Variants in EPHB1 observed in about 807,000 individuals in gnomAD.
EPHB1 encodes ephrin type-B receptor 1.
EPHB1 carries 30 observed loss-of-function variants against 94.4 expected under a neutral mutation model. The ratio of observed to expected loss-of-function variants is 0.32; its 90% CI spans 0.24 to 0.43. The LOEUF is 0.43. Among genes scored for constraint, EPHB1 ranks in the 20% least tolerant of loss-of-function variants. The pLI is 1.00. For synonymous variants in EPHB1, 522 were observed against 489.1 expected (o/e 1.07, Z -0.89); for missense variants, 1,055 against 1,308.3 (o/e 0.81, Z 2.99).
chr3:134,957,267 C>A (rs755247080), intron 3 of EPHB1, among the ~76,000 whole-genome samples: 1 of 152,132 alleles, frequency 6.6e-6, no homozygotes, highest in Admixed American at 6.5e-5. Flanking sequence ...TTTAAAAAAT[C>A]CAAGAACCCC....
chr3:134,871,674 A>T (rs2037502784), intron 1 of EPHB1, among the ~76,000 whole-genome samples: 1 of 152,146 alleles, frequency 6.6e-6, no homozygotes, highest in Non-Finnish European at 1.5e-5. Context: ...CCATCTAGAC[A>T]CTGATGACTA....
rs143866025 is a variant in EPHB1 at position 134,891,152 on chromosome 3, C to T, written c.59-34664C>T. Among the ~76,000 whole-genome samples the T allele has an allele frequency of 6.1e-3, 930 of 152,284 alleles. 11 individuals carry two copies. Among genetic ancestry groups the T allele is most frequent in the African/African-American group, 0.021 (876 of 41,548 alleles). ...ACAGGGTCTTACTGCGTCACCCAGG[C>T]GGGAGTGCAATGACATGATCTTGGC... is the stretch of plus-strand genomic sequence containing the variant. On this transcript the variant is annotated intron_variant, in intron 1 of 15. Coordinates refer to ENST00000398015, the MANE Select transcript of EPHB1 (RefSeq NM_004441.5).
At chr3:135,205,125 T>A (rs540397743) in intron 12 of EPHB1, among the ~76,000 whole-genome samples, 27 of 152,292 alleles carry the variant, frequency 1.8e-4, no homozygotes, top group African/African-American at 6.0e-4. Flanking sequence ...TGACAGGATC[T>A]CATTATTTTT....
chr3:134,921,490 C>T (rs2038685699), intron 1 of EPHB1, among the ~76,000 whole-genome samples: 1 of 152,196 alleles, frequency 6.6e-6, no homozygotes, highest in African/African-American at 2.4e-5. Flanking sequence ...CCAGTTATGA[C>T]TTTGCTTCTT....
chr3:134,870,475 A>T (rs1476025894), intron 1 of EPHB1, among the ~76,000 whole-genome samples: 6 of 152,222 alleles, frequency 3.9e-5, no homozygotes, highest in African/African-American at 1.4e-4. Context: ...TCAACTGGGG[A>T]ATATTCAGAA....
chr3:134,831,705 C>T (rs997596508), intron 1 of EPHB1, among the ~76,000 whole-genome samples: 1 of 152,232 alleles, frequency 6.6e-6, no homozygotes, highest in Non-Finnish European at 1.5e-5. Context: ...TGCCTTCAGG[C>T]CACTGTGGCT....
chr3:135,124,840 C>T (rs1171442887), intron 4 of EPHB1, among the ~76,000 whole-genome samples: 1 of 151,546 alleles, frequency 6.6e-6, no homozygotes, highest in African/African-American at 2.4e-5. Flanking sequence ...CTCCTTGCCC[C>T]AGTGAGATAT....
intron 12 of EPHB1, among the ~76,000 whole-genome samples, chr3:135,238,118 C>G (rs757837649): frequency 6.6e-6 from 1 of 152,158 alleles, no homozygotes; most frequent in African/African-American, 2.4e-5. Flanking sequence ...TACCTCTGAG[C>G]ACCAGAAGGC....
In EPHB1 at chr3:135,241,647, C is replaced by T. The variant is rs1216626406; in HGVS notation, c.2496+350C>T. Among the ~76,000 whole-genome samples, 6 of 152,310 alleles carry T rather than the reference C, an allele frequency of 3.9e-5. No homozygotes were observed. The East Asian group carries it at 1.2e-3, about 29-fold the overall frequency. ...TCTAAGTGTTCAGGTTCTGTGTTTTCCTTCCCTGTGAACGACAGAGGGGAA... is the reference window on the plus strand; with the variant it reads ...TCTAAGTGTTCAGGTTCTGTGTTTTTCTTCCCTGTGAACGACAGAGGGGAA... On this transcript the variant is annotated intron_variant, in intron 13 of 15. Transcript: ENST00000398015.
intron 15 of EPHB1, among the ~76,000 whole-genome samples, chr3:135,252,647 G>T (rs1346401136): frequency 6.9e-6 from 1 of 144,952 alleles, no homozygotes; most frequent in Non-Finnish European, 1.5e-5. Context: ...CCAAGTCTTT[G>T]CTATTGTGAA....
chr3:135,197,076 A>G (rs1313015724), intron 11 of EPHB1, among the ~76,000 whole-genome samples: 1 of 151,072 alleles, frequency 6.6e-6, no homozygotes, highest in Non-Finnish European at 1.5e-5. Flanking sequence ...TGGGCCATAT[A>G]GCGAGACCCC....
chr3:135,101,166 G>A (rs373653790), intron 3 of EPHB1, among the ~76,000 whole-genome samples: 37 of 152,216 alleles, frequency 2.4e-4, no homozygotes, highest in South Asian at 4.2e-4. Flanking sequence ...GCAAGGTGTC[G>A]GCGGCTCTTC....
chr3:134,804,432 CAAGTT>C (rs10575048), intron 1 of EPHB1, among the ~76,000 whole-genome samples: 88,221 of 151,326 alleles, frequency 0.58, 28,826 homozygotes, highest in East Asian at 0.79. Flanking sequence ...AGCTACAACT[CAAGTT>C]AAGATTTGGG....
intron 3 of EPHB1, among the ~76,000 whole-genome samples, chr3:135,014,105 T>C (rs1011485077): frequency 6.6e-6 from 1 of 152,148 alleles, no homozygotes; most frequent in Admixed American, 6.6e-5. Context: ...GCCCAGGTGG[T>C]CTTCCCTCCT....
chr3:134,972,576 A>T lies in EPHB1; in HGVS notation c.805+20524A>T, dbSNP rs570479495. ...TATAAATATATTATATATTAAATATATATAATGTATATTAAAGAGGTAATG... is the reference window on the plus strand; with the variant it reads ...TATAAATATATTATATATTAAATATTTATAATGTATATTAAAGAGGTAATG... On this transcript the variant is annotated intron_variant, in intron 3 of 15. Coordinates refer to ENST00000398015, the MANE Select transcript of EPHB1 (RefSeq NM_004441.5). 7.6e-3 allele frequency among the ~76,000 whole-genome samples: 1,115 copies of T among 146,400 alleles called. 11 individuals carry two copies. The highest frequency in any genetic ancestry group is 0.026 in the African/African-American group (1,051 of 40,260).
At chr3:134,983,109 C>T (rs1934468802) in intron 3 of EPHB1, among the ~76,000 whole-genome samples, 1 of 152,200 alleles carries the variant, frequency 6.6e-6, no homozygotes, top group Non-Finnish European at 1.5e-5. Context: ...AATGCAGCTT[C>T]TAAACGTTTT....
Position 134,795,494 on chromosome 3 carries a change from C to G in EPHB1, c.-138C>G, listed in dbSNP as rs578158812. On this transcript the variant is annotated 5_prime_UTR_variant, in exon 1 of 16. Coordinates refer to ENST00000398015, the MANE Select transcript of EPHB1 (RefSeq NM_004441.5). Reference sequence around the variant, plus strand: ...TCCTGCCCACGCCCACGCAGCGCTCCGGGAAGTCCGGTCCGGGCGAGAGCG... The same window carrying G: ...TCCTGCCCACGCCCACGCAGCGCTCGGGGAAGTCCGGTCCGGGCGAGAGCG... The G allele has an allele frequency of 1.2e-4, 97 of 804,532 alleles. No individual in the cohort carries two copies. In the East Asian group the frequency reaches 2.5e-3, roughly 21 times the overall value. 49.8% of individuals were successfully genotyped at this position (804,532 alleles called of 1,614,324 possible). A position where few individuals can be genotyped will look rare whatever the true frequency, so the allele number is the denominator to read the frequency against.
intron 3 of EPHB1, among the ~76,000 whole-genome samples, chr3:135,053,496 A>T (rs994018370): frequency 1.3e-5 from 2 of 152,202 alleles, no homozygotes; most frequent in Non-Finnish European, 2.9e-5. Flanking sequence ...ATCAGGATGT[A>T]ACAGTGTAAG....
chr3:134,979,351 CTT>C (rs200628004), intron 3 of EPHB1, among the ~76,000 whole-genome samples: 2,495 of 152,292 alleles, frequency 0.016, 69 homozygotes, highest in African/African-American at 0.055. Context: ...TAACTTTAGA[CTT>C]TTATTCCAAA....
Sources: allele counts gnomAD v4.1 joint callset (sites outside exome capture counted in the v4.1 genomes callset), GRCh38; gene constraint gnomAD v4.1.1; transcripts MANE v1.5; gene names NCBI Gene and HGNC (gene_info 2026-07-23, HGNC 2026-07-21).